RAVER2: variants seen among roughly 807,000 people sequenced by gnomAD.
RAVER2 encodes the protein ribonucleoprotein, PTB binding 2.
RAVER2 carries 46 observed loss-of-function variants against 78.1 expected under a neutral mutation model. The observed-to-expected ratio is 0.59, with a 90% CI of 0.46 to 0.75. RAVER2 has a LOEUF of 0.75. Among genes scored for constraint, RAVER2 ranks in the 30% least tolerant of loss-of-function variants. RAVER2 has a pLI of 0.00. For missense variants in RAVER2, 793 were observed against 837.5 expected (o/e 0.95, Z 0.66); for synonymous variants, 311 against 313.3 (o/e 0.99, Z 0.08).
At chr1:64,817,089 C>T (rs1395729741) in intron 11 of RAVER2, among the ~76,000 whole-genome samples, 2 of 152,134 alleles carry the variant, frequency 1.3e-5, no homozygotes, top group African/African-American at 4.8e-5. Context: ...AAAAAGTGGG[C>T]AAAAGATATG....
intron 4 of RAVER2, among the ~76,000 whole-genome samples, chr1:64,785,512 G>T (rs886666674): frequency 3.3e-5 from 5 of 151,994 alleles, no homozygotes; most frequent in East Asian, 1.9e-4. Flanking sequence ...AGAATTACAG[G>T]CATGCACCAC....
Position 64,775,001 on chromosome 1 carries a change from G to T in RAVER2, c.317-2622G>T, listed in dbSNP as rs1328490419. On this transcript the variant is annotated intron_variant, in intron 2 of 11. Coordinates refer to ENST00000294428, the Ensembl canonical transcript of RAVER2. The stretch of plus-strand genomic sequence containing the variant: ...TTGTCTGTTATTGGTGTATAGGAAC[G>T]CTTGTGATTTTCCCACATTGATTTT... Among the ~76,000 whole-genome samples, 3 of 152,140 alleles carry T rather than the reference G, an allele frequency of 2.0e-5. No homozygotes were observed. The East Asian group carries it at 5.8e-4, about 29-fold the overall frequency.
chr1:64,830,780 C>CT, intron 11 of RAVER2, 59 bp from the exon 12 acceptor site: 1 of 1,423,906 alleles, frequency 7.0e-7, no homozygotes, highest in Non-Finnish European at 9.6e-7. Flanking sequence ...TTATAAATAT[C>CT]TTTAATGAAT....
At chr1:64,775,973 G>A (rs778224312) in intron 2 of RAVER2, among the ~76,000 whole-genome samples, 3 of 149,888 alleles carry the variant, frequency 2.0e-5, no homozygotes, top group South Asian at 2.1e-4. Context: ...AGCTGAGATC[G>A]GCACCACTGC....
At chr1:64,773,034 G>C (rs1436098917) in intron 2 of RAVER2, among the ~76,000 whole-genome samples, 1 of 152,052 alleles carries the variant, frequency 6.6e-6, no homozygotes, top group African/African-American at 2.4e-5. Context: ...TGAAGAAAGG[G>C]GGATGGATTC....
At chr1:64,798,759 T>A (rs1257593564) in intron 5 of RAVER2, among the ~76,000 whole-genome samples, 2 of 151,692 alleles carry the variant, frequency 1.3e-5, no homozygotes, top group African/African-American at 4.8e-5. Context: ...TTGAAAAAAA[T>A]TAACTCCTCC....
At chr1:64,747,243 T>C (rs1403248101) in intron 1 of RAVER2, among the ~76,000 whole-genome samples, 1 of 152,226 alleles carries the variant, frequency 6.6e-6, no homozygotes, top group Non-Finnish European at 1.5e-5. Context: ...GTATTTTTTG[T>C]TTTAACAATT....
At chr1:64,811,644 ATTTTC>A (rs61210696) in intron 9 of RAVER2, among the ~76,000 whole-genome samples, 258 of 152,314 alleles carry the variant, frequency 1.7e-3, no homozygotes, top group African/African-American at 6.1e-3. Flanking sequence ...TTTTCTTAAT[ATTTTC>A]TTTTCTCCAC....
chr1:64,754,308 C>T (rs962325777), intron 1 of RAVER2, among the ~76,000 whole-genome samples: 3 of 152,236 alleles, frequency 2.0e-5, no homozygotes, highest in South Asian at 2.1e-4. Flanking sequence ...TAATTCCTCT[C>T]TATGCAGCTA....
chr1:64,756,498 C>T (rs1036149577), intron 1 of RAVER2, among the ~76,000 whole-genome samples: 5 of 151,918 alleles, frequency 3.3e-5, no homozygotes, highest in Admixed American at 6.6e-5. Context: ...TCAAATTGGC[C>T]CCTGTGTCTT....
At chr1:64,829,860 T>TACCAGA (rs1376777482) in intron 11 of RAVER2, among the ~76,000 whole-genome samples, 24 of 152,166 alleles carry the variant, frequency 1.6e-4, no homozygotes, top group Admixed American at 1.6e-3. Context: ...TGAAATGAGA[T>TACCAGA]ACCAGAGGAC....
chr1:64,798,850 C>G (rs1167119402), intron 5 of RAVER2, among the ~76,000 whole-genome samples: 2 of 151,926 alleles, frequency 1.3e-5, no homozygotes, highest in Non-Finnish European at 2.9e-5. Context: ...ACTGATGGTC[C>G]AATACATGTA....
At chr1:64,804,178 A>AT (rs1408689606) in intron 6 of RAVER2, among the ~76,000 whole-genome samples, 1 of 152,134 alleles carries the variant, frequency 6.6e-6, no homozygotes, top group Non-Finnish European at 1.5e-5. Flanking sequence ...CAGCCTTCAG[A>AT]TTGCAGTACA....
chr1:64,763,917 TACACAC>T (rs58298918), intron 1 of RAVER2, among the ~76,000 whole-genome samples: 2,476 of 133,792 alleles, frequency 0.019, 70 homozygotes, highest in African/African-American at 0.064. Flanking sequence ...AAAACAAAAA[TACACAC>T]ACACACACAC....
intron 1 of RAVER2, among the ~76,000 whole-genome samples, chr1:64,767,339 A>G (rs1013254111): frequency 3.9e-5 from 6 of 152,068 alleles, no homozygotes; most frequent in African/African-American, 7.2e-5. Flanking sequence ...ATAAGTCAAT[A>G]TGGCATAGAG....
chr1:64,786,751 C>T (rs1652790877), intron 4 of RAVER2, among the ~76,000 whole-genome samples: 1 of 152,126 alleles, frequency 6.6e-6, no homozygotes, highest in Non-Finnish European at 1.5e-5. Flanking sequence ...CGAGATCACA[C>T]CATTGCCCTC....
exon 12 of RAVER2, chr1:64,833,154 T>TGTTA (rs1654228396): frequency 1.1e-5 from 2 of 182,268 alleles, no homozygotes; most frequent in Admixed American, 6.3e-5. Flanking sequence ...AAAACTATAC[T>TGTTA]GTTATTTTTC....
intron 5 of RAVER2, among the ~76,000 whole-genome samples, chr1:64,795,616 G>C (rs1570563514): frequency 6.6e-6 from 1 of 151,900 alleles, no homozygotes; most frequent in East Asian, 1.9e-4. Flanking sequence ...GTTGCTTGTT[G>C]TTAGCATATA....
intron 10 of RAVER2, among the ~76,000 whole-genome samples, 194 bp downstream of exon 10, chr1:64,813,043 T>C (rs1653662556): frequency 6.6e-6 from 1 of 152,200 alleles, no homozygotes; most frequent in Non-Finnish European, 1.5e-5. Flanking sequence ...AAGGAAAACA[T>C]TACAACTCAT....
Sources: gnomAD v4.1 joint callset for allele counts (sites outside exome capture counted in the v4.1 genomes callset) on GRCh38, gnomAD v4.1.1 for gene constraint, MANE v1.5 for transcripts, NCBI Gene and HGNC (gene_info 2026-07-23, HGNC 2026-07-21) for gene names.